ERGIC1: variants seen among roughly 807,000 people sequenced by gnomAD.
The protein encoded by ERGIC1 is endoplasmic reticulum-Golgi intermediate compartment protein 1.
A neutral mutation model predicts 38.3 loss-of-function variants in ERGIC1; 19 were observed. The ratio of observed to expected loss-of-function variants is 0.50; its 90% CI spans 0.35 to 0.73. The LOEUF (loss-of-function observed/expected upper bound fraction) is 0.73, where lower values mean the gene tolerates loss of function less well. Among genes scored for constraint, ERGIC1 ranks in the 30% least tolerant of loss-of-function variants. ERGIC1 has a pLI of 0.01. For missense variants in ERGIC1, 294 were observed against 389.2 expected, an observed-to-expected ratio of 0.76 and a Z score of 2.06; for synonymous variants, 124 against 157.6, an observed-to-expected ratio of 0.79 and a Z score of 1.60.
Position 172,853,527 on chromosome 5 carries a change from GAAACT to G in ERGIC1, c.20+19095_20+19099del, listed in dbSNP as rs202167227. Among the ~76,000 whole-genome samples, 784 of 152,212 alleles carry G rather than the reference GAAACT, an allele frequency of 5.2e-3. 5 individuals carry two copies. Among genetic ancestry groups the G allele is most frequent in the African/African-American group, 0.018 (751 of 41,530 alleles). On this transcript the variant is annotated intron_variant, in intron 1 of 9. Coordinates refer to ENST00000393784, the MANE Select transcript of ERGIC1 (RefSeq NM_001031711.3). The stretch of plus-strand genomic sequence containing the variant: ...AAGGAGTGGCCCATTTCACAGATGA[GAAACT>G]CGAGGCTTACAGAGTCAGTCTGCGC...
At position 172,864,268 on chromosome 5, in the gene ERGIC1, C is replaced by T. The variant is rs959733785; in HGVS notation, c.21-24431C>T. 2.6e-3 allele frequency among the ~76,000 whole-genome samples: 185 copies of T among 71,178 alleles called. 1 individual carries two copies. Among genetic ancestry groups the T allele is most frequent in the Middle Eastern group, 0.017 (2 of 120 alleles). The allele number at this position is 71,178 out of a possible 152,430, so 46.7% of individuals were successfully genotyped here. ...ACAATGACAATAAATATTTTGTAGT[C>T]TTTTTTTTTTTTTTTTTTTTTTGGA... is the stretch of plus-strand genomic sequence containing the variant. On this transcript the variant is annotated intron_variant, in intron 1 of 9. Transcript: ENST00000393784.
intron 9 of ERGIC1, among the ~76,000 whole-genome samples, chr5:172,948,867 A>G (rs1442856466): frequency 6.6e-6 from 1 of 152,144 alleles, no homozygotes; most frequent in African/African-American, 2.4e-5. Flanking sequence ...TGGGCAACAT[A>G]GCGAGACCTC....
chr5:172,876,815 C>T (rs1762148231), intron 1 of ERGIC1, among the ~76,000 whole-genome samples: 1 of 152,086 alleles, frequency 6.6e-6, no homozygotes, highest in Non-Finnish European at 1.5e-5. Context: ...TAGACAGAAC[C>T]ATACCATATG....
chr5:172,886,949 C>T (rs1310767496), intron 1 of ERGIC1, among the ~76,000 whole-genome samples: 1 of 152,192 alleles, frequency 6.6e-6, no homozygotes, highest in African/African-American at 2.4e-5. Context: ...CTCCCGACCA[C>T]ACCCCAGCCC....
chr5:172,837,281 C>T lies in ERGIC1; in HGVS notation c.20+2848C>T, dbSNP rs1323364825. On this transcript the variant is annotated intron_variant, in intron 1 of 9. Transcript: ENST00000393784. The surrounding 1 kb of genome is among the most constrained non-coding windows in gnomAD (Gnocchi z 4.3). ...CTGTGAAATGGGAATGAGGAGAGTA[C>T]TCACCGAAGTAGAACAGTTGAGGGA... 6.6e-6 allele frequency among the ~76,000 whole-genome samples: 1 copy of T among 152,198 alleles called. No individual in the cohort carries two copies. Among genetic ancestry groups the T allele is most frequent in the Non-Finnish European group, 1.5e-5 (1 of 68,038 alleles).
At chr5:172,937,056 G>A (rs1763900341) in intron 9 of ERGIC1, 1 of 152,100 alleles carries the variant, frequency 6.6e-6, no homozygotes, top group Admixed American at 6.6e-5. Flanking sequence ...TCATAAGTCT[G>A]GTGCTTACAT....
intron 1 of ERGIC1, among the ~76,000 whole-genome samples, chr5:172,865,123 C>T (rs1048945257): frequency 6.9e-6 from 1 of 144,810 alleles, no homozygotes; most frequent in African/African-American, 2.6e-5. Context: ...GGCACGATCT[C>T]GGCTCACGGC....
chr5:172,892,200 T>C (rs999532194), intron 2 of ERGIC1, among the ~76,000 whole-genome samples: 6 of 150,792 alleles, frequency 4.0e-5, no homozygotes, highest in Middle Eastern at 3.4e-3. Context: ...GCGTGAGGCA[T>C]AGGAAGCCAG....
Position 172,952,433 on chromosome 5 carries a change from T to C in ERGIC1, c.*1617T>C, listed in dbSNP as rs1284509823. ...AGTCCCTTTGGTGTGTGAATATGTG[T>C]GCCTGTAGAGGGTGGGGCAGGGTGG... is the stretch of plus-strand genomic sequence containing the variant. On this transcript the variant is annotated 3_prime_UTR_variant, in exon 10 of 10. Transcript: ENST00000393784. 1 of 119,472 alleles carries C rather than the reference T, an allele frequency of 8.4e-6. No individual in the cohort carries two copies. Among genetic ancestry groups the C allele is most frequent in the Non-Finnish European group, 1.6e-5 (1 of 61,402 alleles). 7.4% of individuals were successfully genotyped at this position (119,472 alleles called of 1,614,324 possible).
At chr5:172,939,663 T>C (rs962454787) in intron 9 of ERGIC1, among the ~76,000 whole-genome samples, 8 of 152,250 alleles carry the variant, frequency 5.3e-5, no homozygotes, top group African/African-American at 1.9e-4. Flanking sequence ...TGGGCCACAC[T>C]GCTGCAGGGA....
At chr5:172,879,912 C>T (rs944118925) in intron 1 of ERGIC1, among the ~76,000 whole-genome samples, 1 of 152,204 alleles carries the variant, frequency 6.6e-6, no homozygotes, top group Non-Finnish European at 1.5e-5. Flanking sequence ...CAGTAGCACC[C>T]CACACCCAGC....
In ERGIC1 at chr5:172,898,224, A is replaced by G. The variant is rs1054602876; in HGVS notation, c.155+1150A>G. On this transcript the variant is annotated intron_variant, in intron 3 of 9. Transcript: ENST00000393784. ...CACAAGACAATAGGAAACTAAATAC[A>G]TAGCTGCTTAGCCCAAGAAGACTCT... The G allele has an allele frequency of 1.8e-5, 4 of 220,984 alleles. No individual in the cohort carries two copies. The East Asian group carries it at 3.6e-4, about 20-fold the overall frequency. 13.7% of individuals were successfully genotyped at this position (220,984 alleles called of 1,614,324 possible).
chr5:172,923,969 T>C (rs1467524352), intron 5 of ERGIC1, 36 bp from the exon 6 acceptor site: 1 of 1,602,174 alleles, frequency 6.2e-7, no homozygotes, highest in Admixed American at 1.7e-5. Context: ...CCTGGAGAAG[T>C]CAACCAAACT....
At chr5:172,892,421 G>C (rs1484694364) in intron 2 of ERGIC1, among the ~76,000 whole-genome samples, 1 of 152,178 alleles carries the variant, frequency 6.6e-6, no homozygotes, top group Non-Finnish European at 1.5e-5. Context: ...CAGGGCATTG[G>C]AGACTTACAG....
chr5:172,851,751 C>A (rs1327297685), intron 1 of ERGIC1, among the ~76,000 whole-genome samples: 2 of 152,048 alleles, frequency 1.3e-5, no homozygotes, highest in Non-Finnish European at 2.9e-5. Context: ...GACTTAATTC[C>A]ATCTAGTGAG....
chr5:172,911,029 G>A (rs1291078249), intron 4 of ERGIC1, among the ~76,000 whole-genome samples: 2 of 152,258 alleles, frequency 1.3e-5, no homozygotes, highest in Admixed American at 6.5e-5. Context: ...ACTTGTCAGC[G>A]AGTGGACTGG....
At chr5:172,922,143 G>A (rs1763535694) in intron 5 of ERGIC1, 1 of 152,302 alleles carries the variant, frequency 6.6e-6, no homozygotes, top group Admixed American at 6.5e-5. Context: ...GGCTGCGGAG[G>A]TAGATGGCAT....
chr5:172,949,759 A>G lies in ERGIC1; in HGVS notation c.766-950A>G, dbSNP rs905901376. Among the ~76,000 whole-genome samples, 12 of 152,278 alleles carry G rather than the reference A, an allele frequency of 7.9e-5. No homozygotes were observed. The South Asian group carries it at 1.5e-3, about 18-fold the overall frequency. On this transcript the variant is annotated intron_variant, in intron 9 of 9. Coordinates refer to ENST00000393784, the MANE Select transcript of ERGIC1 (RefSeq NM_001031711.3). ...AAAAATTCTCTGGCCCCAAATGTCAATGGTGCCATTAGAAACCTTGCCCTG... is the reference window on the plus strand; with the variant it reads ...AAAAATTCTCTGGCCCCAAATGTCAGTGGTGCCATTAGAAACCTTGCCCTG...
At chr5:172,948,309 A>G (rs1016089559) in intron 9 of ERGIC1, among the ~76,000 whole-genome samples, 1 of 152,192 alleles carries the variant, frequency 6.6e-6, no homozygotes, top group Non-Finnish European at 1.5e-5. Context: ...TTAAAAAAAT[A>G]AACACTGGTT....
Sources: allele counts gnomAD v4.1 joint callset (sites outside exome capture counted in the v4.1 genomes callset), GRCh38; gene constraint gnomAD v4.1.1; non-coding constraint Gnocchi (gnomAD v3.1); transcripts MANE v1.5; gene names NCBI Gene and HGNC (gene_info 2026-07-23, HGNC 2026-07-21).